Variants in SDK1 observed in about 807,000 individuals in gnomAD.
SDK1 encodes sidekick cell adhesion molecule 1.
Under a neutral mutation model 245.5 loss-of-function variants are expected in SDK1, and 157 were observed. The observed-to-expected ratio is 0.64, with a 90% confidence interval of 0.56 to 0.73. The LOEUF is 0.73. Among genes scored for constraint, SDK1 ranks in the 30% least tolerant of loss-of-function variants. SDK1 has a pLI of 0.00. For missense variants in SDK1, 3,583 were observed against 3,002.3 expected (o/e 1.19, Z -4.52); for synonymous variants, 1,647 against 1,278.5 (o/e 1.29, Z -6.15).
Position 4,145,805 on chromosome 7 carries a change from A to G in SDK1, c.4312A>G (p.Thr1438Ala). ...GGTCGGCGCCACAGTGAGGCAGTTC[A>G]CAGCCACCGACCTGGCCCCGGAGTC... ...VEVGATVRQFTATDLAPESAY... is the reference protein window; with the variant it reads ...VEVGATVRQFAATDLAPESAY... The change falls in exon 29 of 45, where the codon ACA (threonine) becomes GCA (alanine). Residue 1438 changes from threonine (T) to alanine (A), a missense_variant. Coordinates refer to ENST00000404826, the MANE Select transcript of SDK1 (RefSeq NM_152744.4). The G allele has an allele frequency of 1.2e-6, 2 of 1,613,874 alleles. No individual in the cohort carries two copies. The highest frequency in any genetic ancestry group is 1.7e-6 in the Non-Finnish European group (2 of 1,179,938).
chr7:3,617,240 G>C (rs981497630), intron 1 of SDK1, among the ~76,000 whole-genome samples: 1 of 152,182 alleles, frequency 6.6e-6, no homozygotes, highest in Non-Finnish European at 1.5e-5. Flanking sequence ...TCATTCAACA[G>C]ATATTTATTA....
intron 1 of SDK1, among the ~76,000 whole-genome samples, chr7:3,456,075 G>T (rs1780655602): frequency 6.6e-6 from 1 of 152,108 alleles, no homozygotes; most frequent in Admixed American, 6.5e-5. Flanking sequence ...GGTCTCCATG[G>T]TTTCTGTTGA....
At chr7:3,354,535 G>T (rs1409728334) in intron 1 of SDK1, among the ~76,000 whole-genome samples, 1 of 152,192 alleles carries the variant, frequency 6.6e-6, no homozygotes, top group Admixed American at 6.5e-5. Flanking sequence ...CACTTCAATT[G>T]TAAGAATATT....
intron 4 of SDK1, among the ~76,000 whole-genome samples, chr7:3,708,932 T>C (rs1213061883): frequency 6.6e-6 from 1 of 152,262 alleles, no homozygotes; most frequent in Non-Finnish European, 1.5e-5. Context: ...TTAGGCCATT[T>C]ACATTTAATG....
intron 1 of SDK1, among the ~76,000 whole-genome samples, chr7:3,377,925 C>G (rs1452209316): frequency 6.6e-6 from 1 of 152,046 alleles, no homozygotes; most frequent in African/African-American, 2.4e-5. Flanking sequence ...ATTACAGGTG[C>G]ACGCCACCAT....
intron 4 of SDK1, among the ~76,000 whole-genome samples, chr7:3,817,126 T>C (rs1056798431): frequency 3.3e-5 from 5 of 152,314 alleles, no homozygotes; most frequent in African/African-American, 1.2e-4. Flanking sequence ...AAAATACTTA[T>C]TGATAACCAA....
chr7:3,580,070 A>C (rs559347740), intron 1 of SDK1, among the ~76,000 whole-genome samples: 3 of 152,302 alleles, frequency 2.0e-5, no homozygotes, highest in African/African-American at 7.2e-5. Context: ...TAATACCTAG[A>C]AGTACAGCTA....
intron 5 of SDK1, among the ~76,000 whole-genome samples, chr7:3,902,051 G>T (rs781566624): frequency 1.3e-4 from 20 of 152,040 alleles, no homozygotes; most frequent in African/African-American, 4.6e-4. Flanking sequence ...TCCTGCCCCA[G>T]CCCTGGAATC....
intron 5 of SDK1, among the ~76,000 whole-genome samples, chr7:3,891,949 A>G (rs1286036141): frequency 6.6e-6 from 1 of 152,178 alleles, no homozygotes; most frequent in African/African-American, 2.4e-5. Flanking sequence ...TGTCAAAGGC[A>G]TTCTATAACA....
chr7:3,488,207 A>C (rs1415192824), intron 1 of SDK1, among the ~76,000 whole-genome samples: 1 of 150,608 alleles, frequency 6.6e-6, no homozygotes, highest in East Asian at 2.0e-4. Context: ...TCCCTCTGCC[A>C]CTCCTCCTCC....
At chr7:4,097,123 C>A (rs1304217065) in intron 22 of SDK1, among the ~76,000 whole-genome samples, 1 of 152,240 alleles carries the variant, frequency 6.6e-6, no homozygotes, top group Non-Finnish European at 1.5e-5. Flanking sequence ...CCCAGCTGGG[C>A]AGAGGGTCAG....
intron 1 of SDK1, among the ~76,000 whole-genome samples, chr7:3,558,884 A>G (rs1268319756): frequency 6.6e-6 from 1 of 152,222 alleles, no homozygotes; most frequent in African/African-American, 2.4e-5. Flanking sequence ...TGCTATATGC[A>G]TTTCATTAGA....
intron 1 of SDK1, among the ~76,000 whole-genome samples, chr7:3,325,687 TAA>T (rs1429262984): frequency 2.0e-5 from 3 of 152,158 alleles, no homozygotes; most frequent in Admixed American, 2.0e-4. Flanking sequence ...TATTGCTAAA[TAA>T]TGTAGCCTTA....
intron 35 of SDK1, among the ~76,000 whole-genome samples, chr7:4,182,589 G>A (rs549311099): frequency 6.6e-6 from 1 of 152,344 alleles, no homozygotes; most frequent in East Asian, 1.9e-4. Flanking sequence ...GGGCTGCAGG[G>A]AAGGCTAATC....
At chr7:4,139,523 GTATGTGTGTGTGTA>G (rs1398408835) in intron 28 of SDK1, among the ~76,000 whole-genome samples, 118 of 10,182 alleles carry the variant, frequency 0.012, 3 homozygotes, top group South Asian at 0.035. Context: ...ATATGTGTGT[GTATGTGTGTGTGTA>G]TATATGTGTG....
At chr7:3,703,800 C>T (rs1010916364) in intron 4 of SDK1, among the ~76,000 whole-genome samples, 4 of 152,182 alleles carry the variant, frequency 2.6e-5, no homozygotes, top group Non-Finnish European at 5.9e-5. Flanking sequence ...TCGTTGGCTT[C>T]CCAAGACGTG....
chr7:4,264,691 C>T (rs1788337817), intron 44 of SDK1, among the ~76,000 whole-genome samples: 1 of 150,460 alleles, frequency 6.6e-6, no homozygotes, highest in African/African-American at 2.4e-5. Context: ...GTAGATCTCT[C>T]CTGAGTGGGG....
At chr7:3,432,911 G>C (rs1779907835) in intron 1 of SDK1, among the ~76,000 whole-genome samples, 1 of 152,164 alleles carries the variant, frequency 6.6e-6, no homozygotes, top group African/African-American at 2.4e-5. Context: ...CCTCATTCTT[G>C]TACAGATTCA....
Position 4,245,815 on chromosome 7 carries a change from G to C in SDK1, c.6381+10G>C, listed in dbSNP as rs374170645. On this transcript the variant is annotated intron_variant, in intron 44 of 44. Transcript: ENST00000404826. The stretch of plus-strand genomic sequence containing the variant: ...TGCATCAGAATCTGAGGTCAGTGTC[G>C]GTGCCTACTTCCGGGCAGTGACCAT... The C allele has an allele frequency of 4.3e-6, 7 of 1,613,324 alleles. No homozygotes were observed. Among genetic ancestry groups the C allele is most frequent in the Non-Finnish European group, 5.9e-6 (7 of 1,179,760 alleles).
Sources: allele counts gnomAD v4.1 joint callset (sites outside exome capture counted in the v4.1 genomes callset), GRCh38; gene constraint gnomAD v4.1.1; transcripts MANE v1.5; gene names NCBI Gene and HGNC (gene_info 2026-07-23, HGNC 2026-07-21).